ACER3: variants seen among roughly 807,000 people sequenced by gnomAD.
The protein encoded by ACER3 is alkaline ceramidase 3.
Under a neutral mutation model 48.9 loss-of-function variants are expected in ACER3, and 16 were observed. The ratio of observed to expected loss-of-function variants is 0.33; its 90% CI spans 0.22 to 0.50. ACER3 has a LOEUF of 0.50. ACER3 is among the 20% of genes least tolerant of loss of function. ACER3 has a pLI of 0.98. For synonymous variants in ACER3, 109 were observed against 107.8 expected (o/e 1.01, Z -0.07); for missense variants, 227 against 326.0 (o/e 0.70, Z 2.34).
At chr11:76,984,040 G>T (rs545532703) in intron 4 of ACER3, among the ~76,000 whole-genome samples, 1 of 151,514 alleles carries the variant, frequency 6.6e-6, no homozygotes, top group South Asian at 2.1e-4. Flanking sequence ...TACCCACCTC[G>T]GCCTCCCAAA....
intron 1 of ACER3, among the ~76,000 whole-genome samples, chr11:76,903,291 A>G (rs1334861599): frequency 6.6e-6 from 1 of 152,194 alleles, no homozygotes; most frequent in Non-Finnish European, 1.5e-5. Context: ...CATCCTTTAA[A>G]GCACCTTCAA....
intron 2 of ACER3, among the ~76,000 whole-genome samples, chr11:76,948,054 T>C (rs1947521383): frequency 6.6e-6 from 1 of 152,152 alleles, no homozygotes; most frequent in East Asian, 1.9e-4. Context: ...GCCTCAGTTG[T>C]GGCTTATGTT....
At chr11:76,903,318 G>A (rs946308301) in intron 1 of ACER3, among the ~76,000 whole-genome samples, 1 of 152,076 alleles carries the variant, frequency 6.6e-6, no homozygotes, top group African/African-American at 2.4e-5. Flanking sequence ...TCTCTTCAGT[G>A]AAACCTTTAT....
chr11:76,959,328 G>A, intron 3 of ACER3: 1 of 824,992 alleles, frequency 1.2e-6, no homozygotes, highest in Non-Finnish European at 1.7e-6. Flanking sequence ...GACATAATCA[G>A]TTCACCAGAA....
Position 76,990,537 on chromosome 11 carries a change from A to G in ACER3, c.403-2A>G. ...ACATGTGTTTTTTCTAATATTTTGCAGGTTTACCTTAAGGTAAAAGAGCCG... is the reference window on the plus strand; with the variant it reads ...ACATGTGTTTTTTCTAATATTTTGCGGGTTTACCTTAAGGTAAAAGAGCCG... On this transcript the variant is annotated splice_acceptor_variant, in intron 5 of 10. Transcript: ENST00000532485. LOFTEE classifies it high-confidence loss of function. 3 of 1,504,188 alleles carry G rather than the reference A, an allele frequency of 2.0e-6. No homozygotes were observed. Among genetic ancestry groups the G allele is most frequent in the Non-Finnish European group, 2.8e-6 (3 of 1,082,504 alleles). The allele number at this position is 1,504,188 out of a possible 1,614,324, so 93.2% of individuals were successfully genotyped here.
intron 1 of ACER3, among the ~76,000 whole-genome samples, chr11:76,898,728 C>T (rs112033957): frequency 8.2e-6 from 1 of 121,442 alleles, no homozygotes; most frequent in Non-Finnish European, 1.9e-5. Context: ...AACGGTGAAA[C>T]CCCGTCTCTA....
chr11:76,890,338 T>C (rs1430446881), intron 1 of ACER3, among the ~76,000 whole-genome samples: 3 of 152,216 alleles, frequency 2.0e-5, no homozygotes, highest in Non-Finnish European at 4.4e-5. Context: ...GCTTTAACGC[T>C]GTATCCCCAG....
chr11:76,983,723 T>C (rs1033616956), intron 4 of ACER3, among the ~76,000 whole-genome samples: 4 of 152,234 alleles, frequency 2.6e-5, no homozygotes, highest in African/African-American at 9.6e-5. Context: ...TGATAACTTA[T>C]TCATTTTTCT....
chr11:77,019,467 AG>A (rs1949434186), intron 9 of ACER3: 1 of 354,010 alleles, frequency 2.8e-6, no homozygotes, highest in Admixed American at 4.4e-5. Flanking sequence ...TCAAAAAAAA[AG>A]AATTATGCTA....
intron 1 of ACER3, among the ~76,000 whole-genome samples, chr11:76,903,118 AGTTT>A (rs1397971063): frequency 5.9e-5 from 9 of 152,082 alleles, no homozygotes; most frequent in Non-Finnish European, 1.3e-4. Flanking sequence ...CAAGCTACAT[AGTTT>A]GTCTGCAAGT....
At chr11:76,863,862 G>A (rs988154394) in intron 1 of ACER3, among the ~76,000 whole-genome samples, 25 of 152,284 alleles carry the variant, frequency 1.6e-4, no homozygotes, top group Non-Finnish European at 3.1e-4. Context: ...GTGATGTAGA[G>A]ATAGTGTTCA....
intron 3 of ACER3, among the ~76,000 whole-genome samples, chr11:76,975,055 T>A (rs545444300): frequency 6.6e-6 from 1 of 152,230 alleles, no homozygotes. Context: ...TTTACCAGAA[T>A]GAATCATTCA....
intron 4 of ACER3, among the ~76,000 whole-genome samples, chr11:76,980,285 A>G (rs1336087438): frequency 4.6e-5 from 7 of 152,250 alleles, no homozygotes; most frequent in African/African-American, 7.2e-5. Flanking sequence ...TCTGATGTTT[A>G]TATATCTTTA....
intron 2 of ACER3, among the ~76,000 whole-genome samples, chr11:76,951,938 C>T (rs1484053737): frequency 1.3e-5 from 2 of 152,174 alleles, no homozygotes; most frequent in Non-Finnish European, 1.5e-5. Context: ...GATCCAAAAG[C>T]TGATAACTAC....
At chr11:76,862,975 C>T (rs11236980) in intron 1 of ACER3, among the ~76,000 whole-genome samples, 15,183 of 152,272 alleles carry the variant, frequency 0.1, 1,026 homozygotes, top group East Asian at 0.35. Context: ...CCTGTAATCC[C>T]AGCACTTTGG....
intron 1 of ACER3, among the ~76,000 whole-genome samples, chr11:76,913,934 AACAGGAAATG>A (rs984587669): frequency 9.9e-5 from 15 of 152,198 alleles, no homozygotes; most frequent in African/African-American, 3.4e-4. Flanking sequence ...ACCTGACAAA[AACAGGAAATG>A]GGGAAAGGAT....
chr11:76,920,814 T>G (rs1021141714), intron 1 of ACER3, among the ~76,000 whole-genome samples: 3 of 152,004 alleles, frequency 2.0e-5, no homozygotes, highest in Non-Finnish European at 4.4e-5. Flanking sequence ...TTTTAAAAAA[T>G]TTTTTGTAGA....
chr11:77,011,108 C>T (rs1328855733), intron 7 of ACER3, among the ~76,000 whole-genome samples: 2 of 152,162 alleles, frequency 1.3e-5, no homozygotes, highest in African/African-American at 4.8e-5. Flanking sequence ...TCTCAGATGA[C>T]AGCTGTATGC....
chr11:77,021,048 T>C lies in ACER3; in HGVS notation c.*721T>C, dbSNP rs1949462963. ...ACCTTTCTGAAGCTCCATGAGGACA[T>C]GTATAGAATGCTGCACCTTCAGCCA... On this transcript the variant is annotated 3_prime_UTR_variant, in exon 11 of 11. Coordinates refer to ENST00000532485, the MANE Select transcript of ACER3 (RefSeq NM_018367.7). 1 of 152,296 alleles carries C rather than the reference T, an allele frequency of 6.6e-6. No homozygotes were observed. The allele number at this position is 152,296 out of a possible 1,614,324, so 9.4% of individuals were successfully genotyped here.
Sources: gnomAD v4.1 joint callset for allele counts (sites outside exome capture counted in the v4.1 genomes callset) on GRCh38, gnomAD v4.1.1 for gene constraint, MANE v1.5 for transcripts, NCBI Gene and HGNC (gene_info 2026-07-23, HGNC 2026-07-21) for gene names.